Variants in WASHC4 observed in about 807,000 individuals in gnomAD.
The protein encoded by WASHC4 is WASH complex subunit 4, also known as WASH complex subunit 7.
WASHC4 carries 86 observed loss-of-function variants against 166.6 expected under a neutral mutation model. The ratio of observed to expected loss-of-function variants is 0.52; its 90% CI spans 0.43 to 0.62. WASHC4 has a LOEUF of 0.62. WASHC4 is among the 20% of genes least tolerant of loss of function. The pLI, the probability that WASHC4 is intolerant of heterozygous loss-of-function variation, is 0.00. For missense variants in WASHC4, 1,262 were observed against 1,382.4 expected, an observed-to-expected ratio of 0.91 and a Z score of 1.38; for synonymous variants, 446 against 451.6, an observed-to-expected ratio of 0.99 and a Z score of 0.16.
At position 105,147,129 on chromosome 12, in the gene WASHC4, G is replaced by A; in HGVS notation, c.2497G>A (p.Gly833Arg). 2 of 1,600,806 alleles carry A rather than the reference G, an allele frequency of 1.2e-6. No homozygotes were observed. The highest frequency in any genetic ancestry group is 1.7e-6 in the Non-Finnish European group (2 of 1,167,908). ...IANSIRTHGT[G>R]IMNTTVNFTY... ...TAATTCAATTCGAACACATGGCACG[G>A]GAATTATGAATACAACTGTAAGAAC... The change falls in exon 24 of 33, where the codon GGA becomes AGA. Residue 833 changes from glycine to arginine, a missense_variant. Coordinates refer to ENST00000332180, the MANE Select transcript of WASHC4 (RefSeq NM_015275.3).
intron 24 of WASHC4, chr12:105,147,684 T>C: frequency 8.0e-6 from 5 of 627,238 alleles, no homozygotes; most frequent in Non-Finnish European, 1.0e-5. Context: ...AGCAGGAGGA[T>C]CACCTGAGGT....
chr12:105,119,211 A>T (rs1431380250), intron 7 of WASHC4, among the ~76,000 whole-genome samples: 1 of 152,170 alleles, frequency 6.6e-6, no homozygotes, highest in Non-Finnish European at 1.5e-5. Flanking sequence ...TGAGGAGGTG[A>T]TACTGCCTGG....
rs532986688 is a variant in WASHC4 at position 105,129,236 on chromosome 12, G to A, written c.1199+1947G>A. Among the ~76,000 whole-genome samples, 7 of 151,936 alleles carry A rather than the reference G, an allele frequency of 4.6e-5. No individual in the cohort carries two copies. The South Asian group carries it at 1.2e-3, about 27-fold the overall frequency. ...TGGGATTACAGGCGTGAGCCACCGC[G>A]CCAACGCCTGGCTAATTTTTGTATT... On this transcript the variant is annotated intron_variant, in intron 13 of 32. Coordinates refer to ENST00000332180, the MANE Select transcript of WASHC4 (RefSeq NM_015275.3).
rs368419912 is a variant in WASHC4, at chr12:105,140,814, C to T, written c.1561-85C>T. On this transcript the variant is annotated intron_variant, in intron 16 of 32. Transcript: ENST00000332180. ...TTGTGTATGCTCTCTTAAATTGAATCATGGAAAAGATAATCAAGAAGTTTT... is the reference window on the plus strand; with the variant it reads ...TTGTGTATGCTCTCTTAAATTGAATTATGGAAAAGATAATCAAGAAGTTTT... 17 of 1,322,048 alleles carry T rather than the reference C, an allele frequency of 1.3e-5. No homozygotes were observed. The African/African-American group carries it at 2.5e-4, about 19-fold the overall frequency. The allele number at this position is 1,322,048 out of a possible 1,614,324, so 81.9% of individuals were successfully genotyped here.
At chr12:105,158,004 C>T (rs1221167182) in intron 28 of WASHC4, among the ~76,000 whole-genome samples, 1 of 151,934 alleles carries the variant, frequency 6.6e-6, no homozygotes, top group Admixed American at 6.6e-5. Flanking sequence ...TGAAGGGGCA[C>T]CCCTGGGCAA....
At chr12:105,127,900 G>A (rs373393144) in intron 13 of WASHC4, among the ~76,000 whole-genome samples, 33 of 151,568 alleles carry the variant, frequency 2.2e-4, no homozygotes, top group African/African-American at 4.6e-4. Flanking sequence ...TCAAATATAC[G>A]TAAAGTAGAG....
intron 8 of WASHC4, 27 bp from the exon 9 acceptor site, chr12:105,121,074 T>C: frequency 3.3e-6 from 5 of 1,495,604 alleles, no homozygotes; most frequent in Non-Finnish European, 3.7e-6. Context: ...AGTGACTAAA[T>C]GATAATCATT....
In WASHC4 at chr12:105,166,494, A is replaced by G. The variant is rs140227323; in HGVS notation, c.3455-370A>G. Reference sequence around the variant, plus strand: ...CCTACCAGGAATGACAATGTACTGTAATGGTTCTTTCTTGGCCCAGCTGGA... The same window carrying G: ...CCTACCAGGAATGACAATGTACTGTGATGGTTCTTTCTTGGCCCAGCTGGA... On this transcript the variant is annotated intron_variant, in intron 32 of 32. Transcript: ENST00000332180. Among the ~76,000 whole-genome samples, 26 of 152,282 alleles carry G rather than the reference A, an allele frequency of 1.7e-4. No homozygotes were observed. In the East Asian group the frequency reaches 5.0e-3, roughly 29 times the overall value.
intron 15 of WASHC4, 57 bp from the exon 16 acceptor site, chr12:105,140,237 A>G: frequency 2.4e-6 from 3 of 1,246,648 alleles, no homozygotes; most frequent in Non-Finnish European, 3.5e-6. Flanking sequence ...GATCTTCTAT[A>G]ATTTTGCCTG....
chr12:105,117,176 A>G (rs183048196), intron 6 of WASHC4, among the ~76,000 whole-genome samples: 4 of 152,316 alleles, frequency 2.6e-5, no homozygotes, highest in Admixed American at 2.0e-4. Context: ...TTTTACATGC[A>G]TAGCAATTTA....
intron 30 of WASHC4, among the ~76,000 whole-genome samples, chr12:105,163,588 ACCT>A (rs1884632707): frequency 6.6e-6 from 1 of 151,034 alleles, no homozygotes; most frequent in Non-Finnish European, 1.5e-5. Flanking sequence ...TGCAGCCTCG[ACCT>A]CCTGGACCCA....
In WASHC4 at chr12:105,126,140, G is replaced by T. The variant is rs143095626; in HGVS notation, c.910+13G>T. 1.1e-5 allele frequency: 18 copies of T among 1,612,536 alleles called. No homozygotes were observed. The South Asian group carries it at 1.3e-4, about 12-fold the overall frequency. ...GAAGCCAAACTTGGTAATGTAAATCGCATTTTTTGGTTTTTGTTTATAAAA... is the reference window on the plus strand; with the variant it reads ...GAAGCCAAACTTGGTAATGTAAATCTCATTTTTTGGTTTTTGTTTATAAAA... On this transcript the variant is annotated intron_variant, in intron 11 of 32. Coordinates refer to ENST00000332180, the MANE Select transcript of WASHC4 (RefSeq NM_015275.3).
chr12:105,133,983 G>C, intron 14 of WASHC4, 87 bp downstream of exon 14: 2 of 1,271,110 alleles, frequency 1.6e-6, no homozygotes, highest in East Asian at 2.4e-5. Context: ...AAAGGGTAGA[G>C]TATGTTTTTG....
chr12:105,109,645 T>C (rs1478986432), intron 1 of WASHC4, among the ~76,000 whole-genome samples: 1 of 148,038 alleles, frequency 6.8e-6, no homozygotes, highest in Non-Finnish European at 1.5e-5. Flanking sequence ...TTCTCTAGCA[T>C]TGTCTTTTTT....
chr12:105,123,695 A>C (rs1280093932), intron 10 of WASHC4, among the ~76,000 whole-genome samples: 1 of 152,238 alleles, frequency 6.6e-6, no homozygotes, highest in East Asian at 1.9e-4. Flanking sequence ...GTGCTCATGT[A>C]GAAGCCAGTA....
chr12:105,152,259 G>A, intron 25 of WASHC4, 84 bp from the exon 26 acceptor site: 1 of 732,194 alleles, frequency 1.4e-6, no homozygotes, highest in African/African-American at 1.8e-5. Flanking sequence ...ATTGAAAGGA[G>A]AGTAGTATTG....
chr12:105,108,763 C>T (rs910350934), intron 1 of WASHC4, among the ~76,000 whole-genome samples: 2 of 151,998 alleles, frequency 1.3e-5, no homozygotes, highest in Admixed American at 6.5e-5. Context: ...CATAGTTTTC[C>T]CAAAAGGTGG....
At position 105,137,964 on chromosome 12, in the gene WASHC4, A is replaced by G. The variant is rs377029787; in HGVS notation, c.1405A>G (p.Thr469Ala). The change falls in exon 15 of 33, where the codon ACC (threonine) becomes GCC (alanine). Residue 469 changes from threonine (T) to alanine (A), a missense_variant. Physicochemically the swap from Thr to Ala is moderately conservative, Grantham distance 58 (BLOSUM62 0). Transcript: ENST00000332180. ...NLYMSMQKPM[T>A]KTSVKALCRL... The stretch of plus-strand genomic sequence containing the variant: ...CTACATGTCCATGCAAAAGCCAATG[A>G]CCAAAACCTCAGTTAAGGCATTGTG... The G allele has an allele frequency of 2.3e-5, 37 of 1,613,164 alleles. No homozygotes were observed. Among genetic ancestry groups the G allele is most frequent in the Middle Eastern group, 1.6e-4 (1 of 6,080 alleles).
At chr12:105,107,905 G>C in intron 1 of WASHC4, 44 bp downstream of exon 1, 2 of 1,427,354 alleles carry the variant, frequency 1.4e-6, no homozygotes, top group Admixed American at 2.0e-5. Context: ...ACGCTCCTTC[G>C]GCCCGCCGCT....
Sources: allele counts gnomAD v4.1 joint callset (sites outside exome capture counted in the v4.1 genomes callset), GRCh38; gene constraint gnomAD v4.1.1; transcripts MANE v1.5; gene names NCBI Gene and HGNC (gene_info 2026-07-23, HGNC 2026-07-21).